ADAMTSL1: variants seen among roughly 807,000 people sequenced by gnomAD.
ADAMTSL1 encodes the protein ADAMTS-like protein 1.
A neutral mutation model predicts 201.8 loss-of-function variants in ADAMTSL1; 126 were observed. That is an observed-to-expected ratio of 0.62 (90% CI 0.54 to 0.72). The LOEUF is 0.72. Ranked by LOEUF, ADAMTSL1 falls within the 30% of genes least tolerant of loss-of-function variation. ADAMTSL1 has a pLI of 0.00. For missense variants in ADAMTSL1, 2,679 were observed against 2,277.8 expected, an observed-to-expected ratio of 1.18 and a Z score of -3.59; for synonymous variants, 1,121 against 903.4, an observed-to-expected ratio of 1.24 and a Z score of -4.32.
chr9:18,845,566 C>T (rs899127932), intron 23 of ADAMTSL1, among the ~76,000 whole-genome samples: 2 of 152,214 alleles, frequency 1.3e-5, no homozygotes, highest in African/African-American at 2.4e-5. Context: ...GCAGTGAGGC[C>T]ACAGCTCACA....
At position 18,683,606 on chromosome 9, in the gene ADAMTSL1, G is replaced by A. The variant is rs146073414; in HGVS notation, c.1490-1110G>A. The stretch of plus-strand genomic sequence containing the variant: ...GGTACGGTGTTGCTGTGTTTAAAAT[G>A]TTAGCAAATCATTTTGGCTTTGGCA... On this transcript the variant is annotated intron_variant, in intron 12 of 28. Transcript: ENST00000380548. Among the ~76,000 whole-genome samples the A allele has an allele frequency of 7.7e-3, 1,178 of 152,310 alleles. 10 individuals carry two copies. Among genetic ancestry groups the A allele is most frequent in the Non-Finnish European group, 0.011 (777 of 68,032 alleles).
At chr9:18,271,603 C>A (rs1832371601) in intron 2 of ADAMTSL1, among the ~76,000 whole-genome samples, 1 of 152,084 alleles carries the variant, frequency 6.6e-6, no homozygotes, top group South Asian at 2.1e-4. Context: ...GGTTCCAAGT[C>A]TTTGGTATTG....
At chr9:18,512,426 C>T (rs1244208204) in intron 2 of ADAMTSL1, among the ~76,000 whole-genome samples, 1 of 151,516 alleles carries the variant, frequency 6.6e-6, no homozygotes, top group Admixed American at 6.6e-5. Flanking sequence ...TCTTAGATGT[C>T]TTTTTCTGTT....
intron 1 of ADAMTSL1, among the ~76,000 whole-genome samples, chr9:18,097,578 G>A (rs577852397): frequency 2.6e-5 from 4 of 152,180 alleles, no homozygotes; most frequent in South Asian, 2.1e-4. Flanking sequence ...TTAATACTTC[G>A]TGTGGTCTGT....
At chr9:18,638,935 A>G (rs1186416065) in intron 6 of ADAMTSL1, among the ~76,000 whole-genome samples, 1 of 152,050 alleles carries the variant, frequency 6.6e-6, no homozygotes, top group Non-Finnish European at 1.5e-5. Flanking sequence ...GACATATGAG[A>G]ATTGGTTTAG....
chr9:18,667,687 A>C (rs1829538308), intron 9 of ADAMTSL1, among the ~76,000 whole-genome samples: 1 of 152,188 alleles, frequency 6.6e-6, no homozygotes. Flanking sequence ...TATAATGACT[A>C]AGATCACGGT....
intron 4 of ADAMTSL1, among the ~76,000 whole-genome samples, chr9:18,593,047 G>A (rs1388999982): frequency 6.6e-6 from 1 of 152,110 alleles, no homozygotes; most frequent in Non-Finnish European, 1.5e-5. Flanking sequence ...AAATGCTGCT[G>A]ATTTTTATAC....
chr9:18,871,549 T>G (rs994356528), intron 23 of ADAMTSL1, among the ~76,000 whole-genome samples: 1 of 152,242 alleles, frequency 6.6e-6, no homozygotes. Context: ...TATTTCTAAC[T>G]GGCTTCCATC....
At chr9:18,845,200 A>G (rs1826025019) in intron 23 of ADAMTSL1, among the ~76,000 whole-genome samples, 1 of 151,958 alleles carries the variant, frequency 6.6e-6, no homozygotes. Flanking sequence ...TCGGCAGCAC[A>G]CTCTCCTTAG....
At chr9:18,802,222 G>A (rs1190191685) in intron 20 of ADAMTSL1, among the ~76,000 whole-genome samples, 4 of 152,136 alleles carry the variant, frequency 2.6e-5, no homozygotes, top group Admixed American at 2.6e-4. Context: ...GCTGCAGTGA[G>A]CCAATACCAC....
At chr9:18,106,089 A>G (rs1397870032) in intron 1 of ADAMTSL1, among the ~76,000 whole-genome samples, 2 of 152,136 alleles carry the variant, frequency 1.3e-5, no homozygotes, top group Non-Finnish European at 2.9e-5. Flanking sequence ...CTGCTTGTTC[A>G]AAGCTACCCA....
chr9:18,085,805 A>G (rs1823744483), intron 1 of ADAMTSL1, among the ~76,000 whole-genome samples: 1 of 151,684 alleles, frequency 6.6e-6, no homozygotes, highest in Non-Finnish European at 1.5e-5. Flanking sequence ...ATGCACACAC[A>G]GTAGCTGGTT....
intron 4 of ADAMTSL1, among the ~76,000 whole-genome samples, chr9:18,585,193 A>G (rs1383849912): frequency 6.6e-6 from 1 of 152,204 alleles, no homozygotes; most frequent in Non-Finnish European, 1.5e-5. Context: ...CTTCTGATAT[A>G]TTAACATTGT....
rs115543613 is a variant in ADAMTSL1 at position 18,619,881 on chromosome 9, A to G, written c.475-2362A>G. ...TCCACATGGTCAAGGATCTTGTCAG[A>G]TTAAGTCCTCTTCAATCCCAAAAAC... On this transcript the variant is annotated intron_variant, in intron 4 of 28. Transcript: ENST00000380548. Among the ~76,000 whole-genome samples, 308 of 152,276 alleles carry G rather than the reference A, an allele frequency of 2.0e-3. 2 individuals carry two copies. The highest frequency in any genetic ancestry group is 7.0e-3 in the African/African-American group (290 of 41,584).
At chr9:18,777,981 A>T in intron 19 of ADAMTSL1, 75 bp downstream of exon 19, 2 of 1,496,088 alleles carry the variant, frequency 1.3e-6, no homozygotes, top group Non-Finnish European at 1.8e-6. Context: ...CTACTTACAC[A>T]TTCTTCAAGG....
intron 1 of ADAMTSL1, among the ~76,000 whole-genome samples, chr9:17,970,008 C>G (rs1818142828): frequency 6.6e-6 from 1 of 152,048 alleles, no homozygotes; most frequent in South Asian, 2.1e-4. Flanking sequence ...TCCTGTACCT[C>G]TGGGCTTGTC....
intron 23 of ADAMTSL1, among the ~76,000 whole-genome samples, chr9:18,869,314 T>C (rs763307032): frequency 1.3e-5 from 2 of 152,220 alleles, no homozygotes; most frequent in Non-Finnish European, 2.9e-5. Flanking sequence ...TGTGGTACTT[T>C]ATTATGGCAA....
intron 1 of ADAMTSL1, among the ~76,000 whole-genome samples, chr9:18,000,514 A>G (rs1037321943): frequency 9.9e-5 from 15 of 152,042 alleles, no homozygotes; most frequent in Non-Finnish European, 2.1e-4. Flanking sequence ...ACATCCACAA[A>G]TGAGATCCTT....
intron 2 of ADAMTSL1, among the ~76,000 whole-genome samples, chr9:18,331,147 C>T (rs1340948824): frequency 1.3e-5 from 2 of 152,066 alleles, no homozygotes; most frequent in African/African-American, 4.8e-5. Flanking sequence ...GACAAAGGAG[C>T]TGTTTGAGGA....
Sources: allele counts gnomAD v4.1 joint callset (sites outside exome capture counted in the v4.1 genomes callset), GRCh38; gene constraint gnomAD v4.1.1; transcripts MANE v1.5; gene names NCBI Gene and HGNC (gene_info 2026-07-23, HGNC 2026-07-21).